Variants in ARL15 observed in about 807,000 individuals in gnomAD.
ARL15 encodes the protein ADP-ribosylation factor-like protein 15.
In ARL15, 19 loss-of-function variants were observed where a neutral mutation model predicts 25.2. The observed-to-expected ratio is 0.75, with a 90% CI of 0.53 to 1.10. The LOEUF (loss-of-function observed/expected upper bound fraction) is 1.10, where lower values mean the gene tolerates loss of function less well. ARL15 is among the 50% of genes least tolerant of loss of function. ARL15 has a pLI of 0.00. For missense variants in ARL15, 220 were observed against 246.0 expected (o/e 0.89, Z 0.71); for synonymous variants, 94 against 86.8 (o/e 1.08, Z -0.46).
intron 1 of ARL15, among the ~76,000 whole-genome samples, chr5:54,236,349 A>G (rs1319539128): frequency 6.6e-6 from 1 of 152,058 alleles, no homozygotes; most frequent in East Asian, 1.9e-4. Flanking sequence ...CTTTAAGTGA[A>G]TAACTGGCTT....
chr5:54,229,255 A>C (rs1037349039), intron 1 of ARL15, among the ~76,000 whole-genome samples: 1 of 152,200 alleles, frequency 6.6e-6, no homozygotes, highest in Non-Finnish European at 1.5e-5. Context: ...AGTTATAATA[A>C]GATCTCAAAG....
chr5:54,263,541 G>A (rs191965921), intron 1 of ARL15, among the ~76,000 whole-genome samples: 1 of 152,102 alleles, frequency 6.6e-6, no homozygotes, highest in African/African-American at 2.4e-5. Context: ...GCCCATTATT[G>A]TCTATAACCC....
At chr5:54,156,435 A>T (rs187576521) in intron 2 of ARL15, among the ~76,000 whole-genome samples, 2 of 152,370 alleles carry the variant, frequency 1.3e-5, no homozygotes, top group Non-Finnish European at 2.9e-5. Flanking sequence ...CTGGTACACC[A>T]TAAGCATATA....
Position 54,207,497 on chromosome 5 carries a change from G to A in ARL15, c.49-35569C>T, listed in dbSNP as rs147825904. ...ATCTGCAGTTACACAAATGAGAAAA[G>A]ACCTCTTTAAAGTGGCAGGTTGAAT... On this transcript the variant is annotated intron_variant, in intron 1 of 4. Transcript: ENST00000504924. Among the ~76,000 whole-genome samples the A allele has an allele frequency of 5.5e-3, 843 of 152,246 alleles. 4 individuals carry two copies. Among genetic ancestry groups the A allele is most frequent in the African/African-American group, 0.019 (787 of 41,552 alleles).
intron 1 of ARL15, among the ~76,000 whole-genome samples, chr5:54,221,084 C>T (rs971692240): frequency 6.6e-6 from 1 of 152,138 alleles, no homozygotes; most frequent in African/African-American, 2.4e-5. Flanking sequence ...GAATCTCCAC[C>T]TTTTATCTTC....
At chr5:54,163,093 T>C (rs278064) in intron 2 of ARL15, among the ~76,000 whole-genome samples, 63,078 of 151,870 alleles carry the variant, frequency 0.42, 13,658 homozygotes, top group East Asian at 0.82. Context: ...ACTTTGTTAA[T>C]AGCTTTTGTC....
At chr5:54,035,947 G>A (rs1010462067) in intron 4 of ARL15, among the ~76,000 whole-genome samples, 7 of 152,052 alleles carry the variant, frequency 4.6e-5, no homozygotes, top group Admixed American at 1.3e-4. Context: ...TTGAGGCTAG[G>A]ACATTGATAT....
intron 1 of ARL15, among the ~76,000 whole-genome samples, chr5:54,221,679 T>C: frequency 6.6e-6 from 1 of 152,150 alleles, no homozygotes; most frequent in South Asian, 2.1e-4. Context: ...CCCACTCTTC[T>C]TAAGCATAAA....
intron 3 of ARL15, among the ~76,000 whole-genome samples, chr5:54,125,255 A>G (rs951829145): frequency 2.0e-5 from 3 of 152,184 alleles, no homozygotes; most frequent in African/African-American, 7.2e-5. Flanking sequence ...GCTGGTCTCG[A>G]ACTCCTGACC....
chr5:53,895,668 T>G (rs1359263362), intron 4 of ARL15, among the ~76,000 whole-genome samples: 2 of 152,252 alleles, frequency 1.3e-5, no homozygotes, highest in Admixed American at 1.3e-4. Flanking sequence ...GTGTTACACT[T>G]AAAAATTTTA....
chr5:53,890,564 A>G (rs1358759285), intron 4 of ARL15, among the ~76,000 whole-genome samples: 1 of 152,220 alleles, frequency 6.6e-6, no homozygotes, highest in Non-Finnish European at 1.5e-5. Context: ...TGACATCAGA[A>G]TACAGCTGTC....
chr5:54,243,366 G>A (rs1757006271), intron 1 of ARL15, among the ~76,000 whole-genome samples: 1 of 152,148 alleles, frequency 6.6e-6, no homozygotes, highest in African/African-American at 2.4e-5. Context: ...TATTCAAGCT[G>A]ACAAGCTGAA....
At chr5:54,005,285 T>C (rs1748990217) in intron 4 of ARL15, among the ~76,000 whole-genome samples, 1 of 152,156 alleles carries the variant, frequency 6.6e-6, no homozygotes. Context: ...TGGTGTCCTA[T>C]ACTATTTGCC....
chr5:54,005,289 A>G (rs558834484), intron 4 of ARL15, among the ~76,000 whole-genome samples: 3 of 152,112 alleles, frequency 2.0e-5, no homozygotes, highest in Non-Finnish European at 4.4e-5. Flanking sequence ...GTCCTATACT[A>G]TTTGCCCTTC....
At chr5:54,243,443 G>C (rs942517481) in intron 1 of ARL15, among the ~76,000 whole-genome samples, 1 of 152,172 alleles carries the variant, frequency 6.6e-6, no homozygotes, top group Non-Finnish European at 1.5e-5. Context: ...TGCTAGTCTA[G>C]GCACCAGTTG....
intron 4 of ARL15, among the ~76,000 whole-genome samples, chr5:53,978,303 T>C (rs1215915621): frequency 6.6e-6 from 1 of 152,184 alleles, no homozygotes; most frequent in African/African-American, 2.4e-5. Flanking sequence ...GGTATCTGTA[T>C]GTATGGGACA....
chr5:54,003,667 TCTA>T (rs1561184623), intron 4 of ARL15, among the ~76,000 whole-genome samples: 99 of 5,856 alleles, frequency 0.017, no homozygotes, highest in African/African-American at 0.039. Flanking sequence ...TTTCTTTCTA[TCTA>T]TCTATCTATC....
intron 4 of ARL15, among the ~76,000 whole-genome samples, chr5:54,046,362 T>C (rs1561201186): frequency 6.6e-6 from 1 of 152,074 alleles, no homozygotes; most frequent in Non-Finnish European, 1.5e-5. Context: ...GTGCCTGTAA[T>C]CCCAGCTACT....
intron 1 of ARL15, among the ~76,000 whole-genome samples, chr5:54,216,362 T>C (rs1392116286): frequency 2.0e-5 from 3 of 152,194 alleles, no homozygotes; most frequent in Non-Finnish European, 4.4e-5. Flanking sequence ...GGGGTGTTAT[T>C]CCACTGTGTA....
Sources: allele counts gnomAD v4.1 joint callset (sites outside exome capture counted in the v4.1 genomes callset), GRCh38; gene constraint gnomAD v4.1.1; transcripts MANE v1.5; gene names NCBI Gene and HGNC (gene_info 2026-07-23, HGNC 2026-07-21).